The following CDC42EP3 variants were observed in gnomAD, a reference collection of about 807,000 sequenced individuals.
The protein encoded by CDC42EP3 is CDC42 effector protein 3.
CDC42EP3 carries 4 observed loss-of-function variants against 15.5 expected under a neutral mutation model. The observed-to-expected ratio is 0.26, with a 90% CI of 0.13 to 0.59. The LOEUF (loss-of-function observed/expected upper bound fraction) is 0.59. CDC42EP3 is among the 20% of genes least tolerant of loss of function. CDC42EP3 has a pLI of 0.89. For missense variants in CDC42EP3, 309 were observed against 311.2 expected (o/e 0.99, Z 0.05); for synonymous variants, 145 against 130.3 (o/e 1.11, Z -0.77).
intron 1 of CDC42EP3, among the ~76,000 whole-genome samples, chr2:37,668,102 A>G (rs1241323945): frequency 6.6e-6 from 1 of 152,216 alleles, no homozygotes; most frequent in East Asian, 1.9e-4. Flanking sequence ...GAGATTAACA[A>G]TAGAATAATT....
rs138674321 is a variant in CDC42EP3, at chr2:37,659,915, C to G, written c.-236+11511G>C. Among the ~76,000 whole-genome samples, 323 of 152,332 alleles carry G rather than the reference C, an allele frequency of 2.1e-3. 2 individuals carry two copies. The highest frequency in any genetic ancestry group is 7.1e-3 in the African/African-American group (297 of 41,572). On this transcript the variant is annotated intron_variant, in intron 1 of 1. Transcript: ENST00000295324. ...CCGACTGTACGGGCCAACGAAACTG[C>G]TATCTCACTGCTGTTCCTGGCCTGA...
chr2:37,660,065 G>C (rs1417953826), intron 1 of CDC42EP3, among the ~76,000 whole-genome samples: 2 of 152,118 alleles, frequency 1.3e-5, no homozygotes, highest in African/African-American at 4.8e-5. Flanking sequence ...AATAACCACA[G>C]GTGTTAGAGC....
chr2:37,659,224 C>G (rs1473251495), intron 1 of CDC42EP3, among the ~76,000 whole-genome samples: 1 of 152,192 alleles, frequency 6.6e-6, no homozygotes, highest in Admixed American at 6.5e-5. Flanking sequence ...AATGAGAAAG[C>G]TTGAAAGACA....
Position 37,669,313 on chromosome 2 carries a change from T to C in CDC42EP3, c.-236+2113A>G, listed in dbSNP as rs184528740. Reference sequence around the variant, plus strand: ...CCCAACACTGTTGAATACCAGGAACTTTATACATGAAAAAAGCACAGCTTT... The same window carrying C: ...CCCAACACTGTTGAATACCAGGAACCTTATACATGAAAAAAGCACAGCTTT... On this transcript the variant is annotated intron_variant, in intron 1 of 1. Transcript: ENST00000295324. 6.0e-4 allele frequency among the ~76,000 whole-genome samples: 91 copies of C among 151,530 alleles called. 1 individual carries two copies. The highest frequency in any genetic ancestry group is 2.9e-4 in the Non-Finnish European group (20 of 67,936).
chr2:37,653,210 G>A (rs915150663), intron 1 of CDC42EP3, among the ~76,000 whole-genome samples: 1 of 152,184 alleles, frequency 6.6e-6, no homozygotes, highest in African/African-American at 2.4e-5. Flanking sequence ...AGGTCAGAGA[G>A]AACACATGTG....
chr2:37,656,245 C>T (rs372292899), intron 1 of CDC42EP3, among the ~76,000 whole-genome samples: 1 of 152,222 alleles, frequency 6.6e-6, no homozygotes, highest in Non-Finnish European at 1.5e-5. Context: ...AACATCCTTG[C>T]GTTATTTGTA....
At position 37,652,690 on chromosome 2, in the gene CDC42EP3, G is replaced by A. The variant is rs149489646; in HGVS notation, c.-235-5868C>T. On this transcript the variant is annotated intron_variant, in intron 1 of 1. Transcript: ENST00000295324. ...AGCCATCCTCCTGCCCCAGCATCCT[G>A]AGTAGCTGAGACTACAGGTGCACAA... Among the ~76,000 whole-genome samples the A allele has an allele frequency of 3.6e-3, 541 of 152,180 alleles. 2 individuals are homozygous for A. The highest frequency in any genetic ancestry group is 0.012 in the African/African-American group (498 of 41,514).
intron 1 of CDC42EP3, among the ~76,000 whole-genome samples, chr2:37,650,778 T>C (rs1005066272): frequency 4.6e-5 from 7 of 152,214 alleles, no homozygotes; most frequent in African/African-American, 1.7e-4. Flanking sequence ...TGTGGCAATG[T>C]GCTGGGCTGA....
In CDC42EP3 at chr2:37,645,875, A is replaced by G. The variant is rs749058635; in HGVS notation, c.713T>C (p.Leu238Pro). ...TGSLLSLQLD[L>P]GPSLLDEVLN... The stretch of plus-strand genomic sequence containing the variant: ...CACCTCATCCAAAAGTGAGGGCCCA[A>G]GATCAAGCTGCAGGGAGAGGAGGGA... Residue 238 changes from leucine to proline, a missense_variant, in exon 2 of 2, where the codon CTT (leucine) becomes CCT (proline). Leu to Pro is a moderately conservative substitution (Grantham distance 98). Coordinates refer to ENST00000295324, the MANE Select transcript of CDC42EP3 (RefSeq NM_006449.5). 2 of 1,585,142 alleles carry G rather than the reference A, an allele frequency of 1.3e-6. No individual in the cohort carries two copies. Among genetic ancestry groups the G allele is most frequent in the Non-Finnish European group, 1.7e-6 (2 of 1,168,982 alleles).
At chr2:37,672,735 C>A (rs994555865), upstream of CDC42EP3, among the ~76,000 whole-genome samples, 8 of 152,170 alleles carry the variant, frequency 5.3e-5, no homozygotes, top group African/African-American at 1.9e-4. Context: ...GGGGCTGGGA[C>A]CCCTGGGAGT....
intron 1 of CDC42EP3, among the ~76,000 whole-genome samples, chr2:37,648,111 C>T (rs576317573): frequency 3.3e-5 from 5 of 152,338 alleles, no homozygotes; most frequent in African/African-American, 1.2e-4. Flanking sequence ...GAGGGATGAG[C>T]TACAAGGCAT....
At chr2:37,653,483 T>C (rs1665752542) in intron 1 of CDC42EP3, among the ~76,000 whole-genome samples, 1 of 152,152 alleles carries the variant, frequency 6.6e-6, no homozygotes. Context: ...ACTGAAGCGG[T>C]GCTTTGCTTC....
chr2:37,654,859 T>G (rs931947661), intron 1 of CDC42EP3, among the ~76,000 whole-genome samples: 1 of 152,208 alleles, frequency 6.6e-6, no homozygotes, highest in East Asian at 1.9e-4. Context: ...CTCATGTCAA[T>G]CCTTTTACAA....
rs1420418399 is a variant in CDC42EP3, at chr2:37,667,627, C to A, written c.-236+3799G>T. On this transcript the variant is annotated intron_variant, in intron 1 of 1. Transcript: ENST00000295324. ...GTTCATGCTAGATCCACTTTCATGC[C>A]ACATATGTGGGATTGAATCATCTTT... 2.0e-5 allele frequency among the ~76,000 whole-genome samples: 3 copies of A among 152,276 alleles called. No homozygotes were observed. The South Asian group carries it at 6.2e-4, about 32-fold the overall frequency.
rs1224435356 is a variant in CDC42EP3 at position 37,646,358 on chromosome 2, T to C, written c.230A>G (p.Gln77Arg). The C allele has an allele frequency of 6.2e-7, 1 of 1,613,998 alleles. No homozygotes were observed. Among genetic ancestry groups the C allele is most frequent in the Non-Finnish European group, 8.5e-7 (1 of 1,179,946 alleles). The change falls in exon 2 of 2, where the codon CAG becomes CGG. Residue 77 changes from glutamine (Q) to arginine (R), a missense_variant. Gln to Arg is a conservative substitution (Grantham distance 43, BLOSUM62 1). Transcript: ENST00000295324. ...PGNQEKAHLG[Q>R]FPGHNEFFRA... ...GAAGAACTCATTATGCCCAGGGAACTGGCCCAGGTGTGCTTTCTCCTGGTT... is the reference window on the plus strand; with the variant it reads ...GAAGAACTCATTATGCCCAGGGAACCGGCCCAGGTGTGCTTTCTCCTGGTT...
At chr2:37,654,649 A>G (rs1346476558) in intron 1 of CDC42EP3, among the ~76,000 whole-genome samples, 1 of 152,158 alleles carries the variant, frequency 6.6e-6, no homozygotes, top group Admixed American at 6.5e-5. Context: ...TCACGTTCCC[A>G]TTTATTCTGA....
At chr2:37,657,001 C>CCCCCCCCCCCCCCCCCCG (rs1208218676) in intron 1 of CDC42EP3, among the ~76,000 whole-genome samples, 21 of 103,258 alleles carry the variant, frequency 2.0e-4, no homozygotes, top group East Asian at 5.3e-4. Context: ...CCCCCCGCCC[C>CCCCCCCCCCCCCCCCCCG]CCGCCATCCT....
At chr2:37,661,293 G>C (rs1211673274) in intron 1 of CDC42EP3, among the ~76,000 whole-genome samples, 2 of 152,130 alleles carry the variant, frequency 1.3e-5, no homozygotes, top group Admixed American at 6.5e-5. Context: ...CTGATAAAAA[G>C]TTCACTGGCA....
intron 1 of CDC42EP3, among the ~76,000 whole-genome samples, chr2:37,652,543 G>A (rs933978420): frequency 6.6e-5 from 10 of 152,030 alleles, no homozygotes; most frequent in Admixed American, 3.9e-4. Context: ...ACATTCACTC[G>A]TGTCTGTCCT....
Sources: gnomAD v4.1 joint callset for allele counts (sites outside exome capture counted in the v4.1 genomes callset) on GRCh38, gnomAD v4.1.1 for gene constraint, MANE v1.5 for transcripts, NCBI Gene and HGNC (gene_info 2026-07-23, HGNC 2026-07-21) for gene names.